The following SPAG16 variants were observed in gnomAD, a reference collection of about 807,000 sequenced individuals.
SPAG16 encodes the protein sperm associated antigen 16, also known as sperm-associated antigen 16 protein.
SPAG16 carries 86 observed loss-of-function variants against 80.4 expected under a neutral mutation model. That is an observed-to-expected ratio of 1.07 (90% CI 0.90 to 1.28). The LOEUF is 1.28. Ranked by LOEUF, SPAG16 falls within the 50% of genes most tolerant of loss-of-function variation. SPAG16 has a pLI of 0.00. For synonymous variants in SPAG16, 294 were observed against 265.9 expected, an observed-to-expected ratio of 1.11 and a Z score of -1.03; for missense variants, 870 against 765.3, an observed-to-expected ratio of 1.14 and a Z score of -1.61.
chr2:214,233,341 AATAATGATGATG>A (rs57058757), intron 15 of SPAG16, among the ~76,000 whole-genome samples: 1,133 of 81,790 alleles, frequency 0.014, 13 homozygotes, highest in African/African-American at 0.045. Flanking sequence ...AAAAATAGAT[AATAATGATGATG>A]ATGATGATGA....
At chr2:214,188,367 T>C (rs1045176982) in intron 15 of SPAG16, among the ~76,000 whole-genome samples, 4 of 152,190 alleles carry the variant, frequency 2.6e-5, no homozygotes, top group African/African-American at 9.6e-5. Flanking sequence ...TGCCAAGCAC[T>C]GTATTACAAA....
chr2:213,454,391 G>A (rs979014818), intron 9 of SPAG16, among the ~76,000 whole-genome samples: 11 of 151,934 alleles, frequency 7.2e-5, no homozygotes, highest in African/African-American at 1.9e-4. Flanking sequence ...TTAGTCTATA[G>A]GATAATAACA....
At chr2:213,540,499 C>T (rs1370627071) in intron 10 of SPAG16, among the ~76,000 whole-genome samples, 3 of 152,054 alleles carry the variant, frequency 2.0e-5, no homozygotes, top group Non-Finnish European at 4.4e-5. Flanking sequence ...TTATATAAAT[C>T]AATGAAAATT....
At chr2:213,781,947 A>G (rs914534137) in intron 10 of SPAG16, among the ~76,000 whole-genome samples, 1 of 152,188 alleles carries the variant, frequency 6.6e-6, no homozygotes, top group African/African-American at 2.4e-5. Flanking sequence ...AAAAAGAGCT[A>G]ATAGAGGCAC....
chr2:214,120,515 A>G (rs999938924), intron 14 of SPAG16, among the ~76,000 whole-genome samples: 3 of 151,840 alleles, frequency 2.0e-5, no homozygotes, highest in African/African-American at 7.2e-5. Flanking sequence ...CTTGTTTCCT[A>G]GAAACCTGCA....
Position 214,107,384 on chromosome 2 carries a change from T to C in SPAG16, c.1528-812T>C, listed in dbSNP as rs545645713. On this transcript the variant is annotated intron_variant, in intron 13 of 15. Transcript: ENST00000331683. ...AATGAAATCTGAATTTCCAAGCACATAGCAAGACTCTCCAAGCAATAGTCC... is the reference window on the plus strand; with the variant it reads ...AATGAAATCTGAATTTCCAAGCACACAGCAAGACTCTCCAAGCAATAGTCC... Among the ~76,000 whole-genome samples the C allele has an allele frequency of 2.0e-5, 3 of 152,280 alleles. No homozygotes were observed. In the South Asian group the frequency reaches 6.2e-4, roughly 32 times the overall value.
At chr2:213,997,837 G>A (rs73987126) in intron 12 of SPAG16, among the ~76,000 whole-genome samples, 3,072 of 152,202 alleles carry the variant, frequency 0.02, 64 homozygotes, top group East Asian at 0.085. Flanking sequence ...GCAGCCCATG[G>A]GCCATGGGTT....
Position 214,346,238 on chromosome 2 carries a change from A to G in SPAG16, c.1721-63902A>G, listed in dbSNP as rs546961692. The stretch of plus-strand genomic sequence containing the variant: ...AGGGAGCGTGTTGTAGCATTTTATT[A>G]TAGTTTAAATGTTCATTTGTAAATT... On this transcript the variant is annotated intron_variant, in intron 15 of 15. Transcript: ENST00000331683. Among the ~76,000 whole-genome samples, 6 of 151,854 alleles carry G rather than the reference A, an allele frequency of 4.0e-5. No homozygotes were observed. In the East Asian group the frequency reaches 1.2e-3, roughly 29 times the overall value.
intron 15 of SPAG16, among the ~76,000 whole-genome samples, chr2:214,284,418 T>A (rs1390167908): frequency 6.6e-6 from 1 of 152,204 alleles, no homozygotes; most frequent in Non-Finnish European, 1.5e-5. Context: ...GTATTTCTCC[T>A]TTTGGTTATT....
rs543626708 is a variant in SPAG16 at position 213,304,535 on chromosome 2, A to G, written c.280-5524A>G. Among the ~76,000 whole-genome samples, 165 of 152,150 alleles carry G rather than the reference A, an allele frequency of 1.1e-3. 1 individual carries two copies. In the South Asian group the frequency reaches 0.012, roughly 11 times the overall value. ...GGGTGTAAATTTAAGTCTTTAATCC[A>G]TTTTGATTTGATTTTGTGTATGACA... On this transcript the variant is annotated intron_variant, in intron 3 of 15. Transcript: ENST00000331683.
intron 9 of SPAG16, among the ~76,000 whole-genome samples, chr2:213,394,019 T>A (rs997090882): frequency 1.3e-5 from 2 of 152,152 alleles, no homozygotes; most frequent in African/African-American, 4.8e-5. Context: ...CTCCACATGG[T>A]GACTTATATT....
chr2:213,808,063 C>A (rs1328655971), intron 10 of SPAG16, among the ~76,000 whole-genome samples: 2 of 152,226 alleles, frequency 1.3e-5, no homozygotes, highest in East Asian at 3.9e-4. Flanking sequence ...ACAATGAGAT[C>A]TACCCATGTA....
chr2:214,047,368 G>A (rs1267044187), intron 13 of SPAG16, among the ~76,000 whole-genome samples: 1 of 152,044 alleles, frequency 6.6e-6, no homozygotes, highest in East Asian at 1.9e-4. Flanking sequence ...GAACAGAATA[G>A]AGAACCCAGA....
intron 9 of SPAG16, among the ~76,000 whole-genome samples, chr2:213,385,728 A>G (rs1575445746): frequency 6.6e-6 from 1 of 152,048 alleles, no homozygotes; most frequent in African/African-American, 2.4e-5. Context: ...AGGGCCAGAG[A>G]GTTCAGGGAA....
intron 15 of SPAG16, among the ~76,000 whole-genome samples, chr2:214,191,063 A>G (rs1187907206): frequency 1.3e-5 from 2 of 152,122 alleles, no homozygotes; most frequent in African/African-American, 4.8e-5. Context: ...ATGGGTCAGA[A>G]AAGCCTACCT....
chr2:213,805,590 T>G (rs2071718309), intron 10 of SPAG16, among the ~76,000 whole-genome samples: 1 of 152,154 alleles, frequency 6.6e-6, no homozygotes, highest in Non-Finnish European at 1.5e-5. Context: ...TTATTGAAAT[T>G]ATATAAGCAG....
rs531648642 is a variant in SPAG16 at position 214,102,230 on chromosome 2, C to T, written c.1528-5966C>T. Among the ~76,000 whole-genome samples, 78 of 149,236 alleles carry T rather than the reference C, an allele frequency of 5.2e-4. 1 individual carries two copies. The highest frequency in any genetic ancestry group is 1.0e-3 in the Admixed American group (15 of 14,726). ...GTCTTAGGCCTTGGGGATGAGAAGA[C>T]GGAGGAGTGGATGAGTTTGTCTTGT... On this transcript the variant is annotated intron_variant, in intron 13 of 15. Transcript: ENST00000331683.
chr2:214,218,629 A>G (rs1467695955), intron 15 of SPAG16, among the ~76,000 whole-genome samples: 1 of 152,210 alleles, frequency 6.6e-6, no homozygotes, highest in Non-Finnish European at 1.5e-5. Flanking sequence ...GTTTTACTAT[A>G]CTACATGAGG....
At chr2:214,073,427 G>A (rs933113067) in intron 13 of SPAG16, among the ~76,000 whole-genome samples, 1 of 151,706 alleles carries the variant, frequency 6.6e-6, no homozygotes, top group Admixed American at 6.6e-5. Flanking sequence ...AGTAGAGACG[G>A]GGTTTCACCA....
Sources: allele counts gnomAD v4.1 joint callset (sites outside exome capture counted in the v4.1 genomes callset), GRCh38; gene constraint gnomAD v4.1.1; transcripts MANE v1.5; gene names NCBI Gene and HGNC (gene_info 2026-07-23, HGNC 2026-07-21).